Variants in TMEM163 observed in about 807,000 individuals in gnomAD.
TMEM163 encodes transmembrane protein 163.
In TMEM163, 17 loss-of-function variants were observed where a neutral mutation model predicts 29.3. The observed-to-expected ratio is 0.58, with a 90% CI of 0.40 to 0.87. TMEM163 has a LOEUF of 0.87. TMEM163 is among the 40% of genes least tolerant of loss of function. The pLI, the probability that TMEM163 is intolerant of heterozygous loss-of-function variation, is 0.00. For synonymous variants in TMEM163, 157 were observed against 160.6 expected (o/e 0.98, Z 0.17); for missense variants, 303 against 381.5 (o/e 0.79, Z 1.71).
At chr2:134,463,776 G>C (rs1686602036) in intron 6 of TMEM163, among the ~76,000 whole-genome samples, 1 of 152,196 alleles carries the variant, frequency 6.6e-6, no homozygotes, top group South Asian at 2.1e-4. Flanking sequence ...TTTGGAGCTG[G>C]TTTCCCCAGC....
At chr2:134,682,888 G>A (rs1684277074) in intron 2 of TMEM163, among the ~76,000 whole-genome samples, 2 of 152,190 alleles carry the variant, frequency 1.3e-5, no homozygotes, top group African/African-American at 4.8e-5. Flanking sequence ...TTCAGTAGAT[G>A]AGTGGATAAA....
rs1681986349 is a variant in TMEM163 at position 134,593,498 on chromosome 2, T to C, written c.323-41407A>G. Among the ~76,000 whole-genome samples the C allele has an allele frequency of 2.0e-5, 3 of 152,138 alleles. No individual in the cohort carries two copies. The South Asian group carries it at 6.2e-4, about 32-fold the overall frequency. On this transcript the variant is annotated intron_variant, in intron 2 of 7. Coordinates refer to ENST00000281924, the MANE Select transcript of TMEM163 (RefSeq NM_030923.5). ...TCATGACAACACTTAAAAAGGCACA[T>C]GCCCCGCTGCTGTCTGCAGTTTGAT...
In TMEM163 at chr2:134,713,255, C is replaced by T. The variant is rs1559001628; in HGVS notation, c.267G>A (p.Leu89=). Residue 89 remains leucine, a synonymous_variant, in exon 2 of 8, where the codon TTG becomes TTA. Transcript: ENST00000281924. ...CAATGATGGAGAACCAGGACACCCACAATGCCTTCTTCCTGTAGTTCTGGG... is the reference window on the plus strand; with the variant it reads ...CAATGATGGAGAACCAGGACACCCATAATGCCTTCTTCCTGTAGTTCTGGG... ...HEAQNYRKKA[L]WVSWFSIIVT... 7 of 1,614,068 alleles carry T rather than the reference C, an allele frequency of 4.3e-6. No individual in the cohort carries two copies. Among genetic ancestry groups the T allele is most frequent in the Non-Finnish European group, 5.9e-6 (7 of 1,180,026 alleles).
At chr2:134,589,677 T>A (rs1396065232) in intron 2 of TMEM163, among the ~76,000 whole-genome samples, 1 of 152,180 alleles carries the variant, frequency 6.6e-6, no homozygotes, top group East Asian at 1.9e-4. Context: ...TAGCAAATAA[T>A]CAAGAAATAA....
At chr2:134,619,945 A>T (rs1558966925) in intron 2 of TMEM163, among the ~76,000 whole-genome samples, 1 of 152,234 alleles carries the variant, frequency 6.6e-6, no homozygotes, top group Non-Finnish European at 1.5e-5. Flanking sequence ...TGGCTTCAAA[A>T]AGAATAAAAC....
chr2:134,711,863 TTC>T (rs1684934012), intron 2 of TMEM163, among the ~76,000 whole-genome samples: 1 of 152,236 alleles, frequency 6.6e-6, no homozygotes, highest in Non-Finnish European at 1.5e-5. Context: ...GTTACTATTA[TTC>T]TGTTTGTAAA....
intron 2 of TMEM163, among the ~76,000 whole-genome samples, chr2:134,628,903 T>A (rs145937849): frequency 4.3e-4 from 66 of 152,358 alleles, no homozygotes; most frequent in African/African-American, 1.5e-3. Context: ...GAATTTTGTT[T>A]AATTGATATC....
chr2:134,678,768 C>A (rs1684171691), intron 2 of TMEM163, among the ~76,000 whole-genome samples: 1 of 152,198 alleles, frequency 6.6e-6, no homozygotes, highest in African/African-American at 2.4e-5. Context: ...AGCAGGTGAT[C>A]AATAAATGTC....
chr2:134,598,213 T>C (rs1259707886), intron 2 of TMEM163, among the ~76,000 whole-genome samples: 1 of 152,224 alleles, frequency 6.6e-6, no homozygotes, highest in Non-Finnish European at 1.5e-5. Context: ...CTGACTGATC[T>C]AGACTATGTC....
chr2:134,527,903 C>T (rs780234751), intron 4 of TMEM163, among the ~76,000 whole-genome samples: 5 of 152,144 alleles, frequency 3.3e-5, no homozygotes, highest in African/African-American at 2.4e-5. Context: ...AAAATATTTC[C>T]AAATGCCATT....
At chr2:134,666,353 T>C (rs1406608745) in intron 2 of TMEM163, among the ~76,000 whole-genome samples, 1 of 150,414 alleles carries the variant, frequency 6.6e-6, no homozygotes, top group East Asian at 2.0e-4. Context: ...ATCCCTGAGG[T>C]CTAATTTCTC....
chr2:134,589,761 T>C (rs1681901492), intron 2 of TMEM163, among the ~76,000 whole-genome samples: 3 of 152,202 alleles, frequency 2.0e-5, no homozygotes, highest in Admixed American at 1.3e-4. Context: ...TCCTTTACTT[T>C]CCAAATAAAC....
At chr2:134,650,224 C>A (rs1321192091) in intron 2 of TMEM163, among the ~76,000 whole-genome samples, 1 of 151,842 alleles carries the variant, frequency 6.6e-6, no homozygotes, top group Non-Finnish European at 1.5e-5. Flanking sequence ...AACTCATTAA[C>A]ACATAAAAAG....
chr2:134,483,963 G>C (rs530738619), intron 5 of TMEM163, among the ~76,000 whole-genome samples: 4 of 152,102 alleles, frequency 2.6e-5, no homozygotes, highest in Non-Finnish European at 4.4e-5. Context: ...GGCCAACATG[G>C]CAAAACCTCA....
intron 2 of TMEM163, among the ~76,000 whole-genome samples, chr2:134,697,111 C>G (rs1292268342): frequency 1.3e-5 from 2 of 152,040 alleles, no homozygotes; most frequent in Admixed American, 6.6e-5. Context: ...ATGGAAAGCT[C>G]TATATTGACT....
chr2:134,476,855 C>T (rs979729286), intron 5 of TMEM163, among the ~76,000 whole-genome samples: 1 of 152,212 alleles, frequency 6.6e-6, no homozygotes, highest in Non-Finnish European at 1.5e-5. Context: ...CCTGCAGAAG[C>T]CTGGGTTCTA....
At chr2:134,508,869 C>A (rs973597638) in intron 4 of TMEM163, among the ~76,000 whole-genome samples, 5 of 152,118 alleles carry the variant, frequency 3.3e-5, no homozygotes, top group South Asian at 2.1e-4. Context: ...CAGGGACAGT[C>A]ACTCAGACCA....
At chr2:134,635,769 G>A (rs1177371727) in intron 2 of TMEM163, among the ~76,000 whole-genome samples, 1 of 152,134 alleles carries the variant, frequency 6.6e-6, no homozygotes, top group Non-Finnish European at 1.5e-5. Flanking sequence ...AAAATGAACA[G>A]GGGATCTCAG....
intron 4 of TMEM163, among the ~76,000 whole-genome samples, chr2:134,506,466 GT>G (rs1679826254): frequency 6.6e-6 from 1 of 152,074 alleles, no homozygotes; most frequent in African/African-American, 2.4e-5. Context: ...CCAGGTTTTT[GT>G]TTTTCTGCTA....
Sources: gnomAD v4.1 joint callset for allele counts (sites outside exome capture counted in the v4.1 genomes callset) on GRCh38, gnomAD v4.1.1 for gene constraint, MANE v1.5 for transcripts, NCBI Gene and HGNC (gene_info 2026-07-23, HGNC 2026-07-21) for gene names.